Variants in ATP8A2 observed in about 807,000 individuals in gnomAD.
ATP8A2 encodes the protein phospholipid-transporting ATPase IB.
ATP8A2 carries 100 observed loss-of-function variants against 165.6 expected under a neutral mutation model. The ratio of observed to expected loss-of-function variants is 0.60; its 90% CI spans 0.51 to 0.71. The LOEUF is 0.71. Among genes scored for constraint, ATP8A2 ranks in the 30% least tolerant of loss-of-function variants. ATP8A2 has a pLI of 0.00. For missense variants in ATP8A2, 1,227 were observed against 1,479.5 expected, an observed-to-expected ratio of 0.83 and a Z score of 2.80; for synonymous variants, 543 against 548.8, an observed-to-expected ratio of 0.99 and a Z score of 0.15.
intron 27 of ATP8A2, among the ~76,000 whole-genome samples, chr13:25,783,104 A>T (rs987473946): frequency 6.6e-5 from 10 of 151,428 alleles, no homozygotes; most frequent in African/African-American, 2.4e-4. Context: ...TTTCCTGAAT[A>T]TTTTTTTTTC....
chr13:25,634,340 A>C (rs1463545852), intron 24 of ATP8A2, among the ~76,000 whole-genome samples: 1 of 152,178 alleles, frequency 6.6e-6, no homozygotes, highest in Non-Finnish European at 1.5e-5. Context: ...ATTTCTTAAA[A>C]GTAAATACTC....
At chr13:25,908,176 T>TCTACCG (rs934752506) in intron 33 of ATP8A2, among the ~76,000 whole-genome samples, 6 of 152,048 alleles carry the variant, frequency 3.9e-5, no homozygotes, top group African/African-American at 1.2e-4. Context: ...CCCATGGTTT[T>TCTACCG]CTACCGAGGC....
chr13:25,478,684 T>A lies in ATP8A2; in HGVS notation c.221+9563T>A, dbSNP rs370753879. 1.4e-4 allele frequency among the ~76,000 whole-genome samples: 21 copies of A among 152,334 alleles called. No homozygotes were observed. In the East Asian group the frequency reaches 2.7e-3, roughly 20 times the overall value. ...TTAGTCACTCTGATGGATTATTCTA[T>A]GTATCTTCAGTCTACGTATAACATA... On this transcript the variant is annotated intron_variant, in intron 2 of 36. Coordinates refer to ENST00000381655, the MANE Select transcript of ATP8A2 (RefSeq NM_016529.6).
intron 27 of ATP8A2, among the ~76,000 whole-genome samples, chr13:25,814,413 T>A (rs2138532256): frequency 6.6e-6 from 1 of 152,168 alleles, no homozygotes; most frequent in East Asian, 1.9e-4. Flanking sequence ...GGAAGCCCAG[T>A]GGATCCCCAA....
chr13:25,848,902 C>G (rs1461135143), intron 30 of ATP8A2, among the ~76,000 whole-genome samples: 1 of 151,792 alleles, frequency 6.6e-6, no homozygotes, highest in African/African-American at 2.4e-5. Context: ...ATTTAGCGTC[C>G]TGGAAGTTGG....
At chr13:25,865,693 C>G (rs1952489550) in intron 33 of ATP8A2, among the ~76,000 whole-genome samples, 1 of 152,114 alleles carries the variant, frequency 6.6e-6, no homozygotes, top group African/African-American at 2.4e-5. Flanking sequence ...TATGTGAAAC[C>G]CAGCCAGACA....
chr13:25,726,121 G>T (rs1417362570), intron 25 of ATP8A2, among the ~76,000 whole-genome samples: 1 of 152,150 alleles, frequency 6.6e-6, no homozygotes, highest in Non-Finnish European at 1.5e-5. Context: ...ATTATTTAAA[G>T]AAATTCTTTA....
intron 7 of ATP8A2, 106 bp from the exon 8 acceptor site, chr13:25,540,213 T>C: frequency 1.2e-6 from 1 of 816,038 alleles, no homozygotes; most frequent in Non-Finnish European, 2.1e-6. Flanking sequence ...ACAATTTATT[T>C]TGAAGGGCCA....
At chr13:25,495,624 CTTTTTTT>C (rs11369713) in intron 2 of ATP8A2, among the ~76,000 whole-genome samples, 1 of 88,244 alleles carries the variant, frequency 1.1e-5, no homozygotes, top group East Asian at 4.1e-4. Flanking sequence ...GCATGCCTTG[CTTTTTTT>C]TTTTTTTTTT....
chr13:25,466,730 C>T (rs1212747272), intron 1 of ATP8A2, among the ~76,000 whole-genome samples: 1 of 152,308 alleles, frequency 6.6e-6, no homozygotes, highest in East Asian at 1.9e-4. Context: ...ATTGGTAATA[C>T]TAATGCACAG....
chr13:25,509,578 TTG>T (rs1721034607), intron 2 of ATP8A2, among the ~76,000 whole-genome samples: 1 of 152,126 alleles, frequency 6.6e-6, no homozygotes, highest in Non-Finnish European at 1.5e-5. Context: ...GTGTAATATG[TTG>T]TGTTTTTTTC....
rs561190911 is a variant in ATP8A2, at chr13:25,964,601, G to A, written c.3272+2938G>A. ...TGCACTGAACAAAAATATTAATCCT[G>A]CTTGTCCCGAACCACCCATCCTTGG... is the stretch of plus-strand genomic sequence containing the variant. On this transcript the variant is annotated intron_variant, in intron 34 of 36. Coordinates refer to ENST00000381655, the MANE Select transcript of ATP8A2 (RefSeq NM_016529.6). Among the ~76,000 whole-genome samples, 32 of 152,222 alleles carry A rather than the reference G, an allele frequency of 2.1e-4. No homozygotes were observed. In the East Asian group the frequency reaches 4.3e-3, roughly 20 times the overall value.
At position 25,882,004 on chromosome 13, in the gene ATP8A2, G is replaced by GA. The variant is rs530496131; in HGVS notation, c.3183+19602dup. Among the ~76,000 whole-genome samples, 338 of 152,190 alleles carry GA rather than the reference G, an allele frequency of 2.2e-3. 2 individuals are homozygous for GA. The highest frequency in any genetic ancestry group is 7.6e-3 in the African/African-American group (316 of 41,526). On this transcript the variant is annotated intron_variant, in intron 33 of 36. Coordinates refer to ENST00000381655, the MANE Select transcript of ATP8A2 (RefSeq NM_016529.6). The stretch of plus-strand genomic sequence containing the variant: ...AGCAGGCTGACCACTGGGGCAAAGA[G>GA]AAAAAAGAGCCTGGAAGGACTCGCC...
At chr13:25,688,092 G>A (rs938395640) in intron 24 of ATP8A2, among the ~76,000 whole-genome samples, 2 of 151,910 alleles carry the variant, frequency 1.3e-5, no homozygotes, top group African/African-American at 4.8e-5. Flanking sequence ...GACATGCGGT[G>A]ATCTTTGGCT....
At chr13:25,534,396 G>A (rs1163212007) in intron 6 of ATP8A2, among the ~76,000 whole-genome samples, 1 of 152,192 alleles carries the variant, frequency 6.6e-6, no homozygotes, top group Non-Finnish European at 1.5e-5. Context: ...CCAGCACTGG[G>A]AAATTGCCCC....
At chr13:25,945,897 C>G (rs1955197494) in intron 33 of ATP8A2, among the ~76,000 whole-genome samples, 1 of 152,086 alleles carries the variant, frequency 6.6e-6, no homozygotes, top group Non-Finnish European at 1.5e-5. Flanking sequence ...GCACACGGCA[C>G]TGTACAGATG....
At chr13:25,991,911 G>GT (rs796888984) in intron 35 of ATP8A2, among the ~76,000 whole-genome samples, 101,386 of 142,116 alleles carry the variant, frequency 0.71, 35,982 homozygotes, top group East Asian at 0.84. Context: ...TTACTTTTAG[G>GT]TTTTTTTTTT....
At chr13:25,923,927 A>T (rs2139041697) in intron 33 of ATP8A2, among the ~76,000 whole-genome samples, 1 of 152,318 alleles carries the variant, frequency 6.6e-6, no homozygotes, top group African/African-American at 2.4e-5. Context: ...CAGGAAAATG[A>T]TAGTATAGTT....
rs548635538 is a variant in ATP8A2, at chr13:25,768,975, C to T, written c.2385-71C>T. On this transcript the variant is annotated intron_variant, in intron 25 of 36. Transcript: ENST00000381655. The stretch of plus-strand genomic sequence containing the variant: ...TCCAGTAACTGTCCTTTTAATGCAG[C>T]GGAATGTAGATTACAGCTGTTTCCT... 1.8e-5 allele frequency: 25 copies of T among 1,402,674 alleles called. No individual in the cohort carries two copies. The Middle Eastern group carries it at 1.2e-3, about 69-fold the overall frequency. 86.9% of individuals were successfully genotyped at this position (1,402,674 alleles called of 1,614,324 possible). A position where few individuals can be genotyped will look rare whatever the true frequency, so the allele number is the denominator to read the frequency against.
Sources: allele counts gnomAD v4.1 joint callset (sites outside exome capture counted in the v4.1 genomes callset), GRCh38; gene constraint gnomAD v4.1.1; transcripts MANE v1.5; gene names NCBI Gene and HGNC (gene_info 2026-07-23, HGNC 2026-07-21).